The following SLC39A8 variants were observed in gnomAD, a reference collection of about 807,000 sequenced individuals.
SLC39A8 encodes solute carrier family 39 member 8, also known as metal cation symporter ZIP8.
In SLC39A8, 15 loss-of-function variants were observed where a neutral mutation model predicts 40.4. The observed-to-expected ratio is 0.37, with a 90% CI of 0.25 to 0.57. SLC39A8 has a LOEUF of 0.57. Among genes scored for constraint, SLC39A8 ranks in the 20% least tolerant of loss-of-function variants. SLC39A8 has a pLI of 0.75. For missense variants in SLC39A8, 472 were observed against 558.8 expected, an observed-to-expected ratio of 0.84 and a Z score of 1.57; for synonymous variants, 223 against 221.6, an observed-to-expected ratio of 1.01 and a Z score of -0.06.
chr4:102,287,970 C>T (rs1733255552), intron 6 of SLC39A8, among the ~76,000 whole-genome samples: 1 of 152,046 alleles, frequency 6.6e-6, no homozygotes, highest in Admixed American at 6.6e-5. Flanking sequence ...GTGACAGGTA[C>T]CACCAGCATC....
chr4:102,320,799 T>C (rs1257175179), intron 2 of SLC39A8, among the ~76,000 whole-genome samples: 1 of 147,200 alleles, frequency 6.8e-6, no homozygotes, highest in East Asian at 2.0e-4. Flanking sequence ...AATATATATA[T>C]ATATATCCTG....
intron 2 of SLC39A8, among the ~76,000 whole-genome samples, chr4:102,321,690 G>A (rs1361084212): frequency 1.3e-5 from 2 of 152,184 alleles, no homozygotes; most frequent in Non-Finnish European, 1.5e-5. Flanking sequence ...AGCCCATTTG[G>A]CAGGATGGTG....
rs536004575 is a variant in SLC39A8 at position 102,283,965 on chromosome 4, G to A, written c.841-15886C>T. 9.2e-4 allele frequency among the ~76,000 whole-genome samples: 140 copies of A among 152,220 alleles called. 2 individuals are homozygous for A. In the South Asian group the frequency reaches 0.023, roughly 25 times the overall value. ...TATTCTCTCGGATATTCACATGGATGGTTCCTTCTTACAATTCTGATTTTA... is the reference window on the plus strand; with the variant it reads ...TATTCTCTCGGATATTCACATGGATAGTTCCTTCTTACAATTCTGATTTTA... On this transcript the variant is annotated intron_variant, in intron 6 of 8. Transcript: ENST00000356736.
exon 12 of SLC39A8, chr4:102,253,376 G>T: frequency 1.4e-6 from 1 of 712,006 alleles, no homozygotes; most frequent in Non-Finnish European, 2.6e-6. Context: ...TGAAGGTGCT[G>T]GTATTGCAGA....
intron 2 of SLC39A8, among the ~76,000 whole-genome samples, chr4:102,328,751 C>T (rs1354854191): frequency 1.3e-5 from 2 of 152,146 alleles, no homozygotes; most frequent in African/African-American, 4.8e-5. Flanking sequence ...AGGGGCCGGG[C>T]ACGGTGGCTC....
At position 102,281,117 on chromosome 4, in the gene SLC39A8, T is replaced by C. The variant is rs575191962; in HGVS notation, c.841-13038A>G. 5.9e-5 allele frequency among the ~76,000 whole-genome samples: 9 copies of C among 152,262 alleles called. 1 individual carries two copies. The South Asian group carries it at 1.2e-3, about 21-fold the overall frequency. ...ACTGGTACATTCAGGACACAGGATA[T>C]CATTTCTTATAAAAAGCCCATAAAA... On this transcript the variant is annotated intron_variant, in intron 6 of 8. Coordinates refer to ENST00000356736, the MANE Select transcript of SLC39A8 (RefSeq NM_001135146.2).
At position 102,262,444 on chromosome 4, in the gene SLC39A8, T is replaced by G. The variant is rs1392799684; in HGVS notation, c.*600A>C. On this transcript the variant is annotated 3_prime_UTR_variant, in exon 9 of 9. Transcript: ENST00000356736. Reference sequence around the variant, plus strand: ...AACTTTATTTATTTCCTAACTCCTATTATTTTAGAATGGTTTTCAAAATAA... The same window carrying G: ...AACTTTATTTATTTCCTAACTCCTAGTATTTTAGAATGGTTTTCAAAATAA... 2 of 985,396 alleles carry G rather than the reference T, an allele frequency of 2.0e-6. No individual in the cohort carries two copies. The highest frequency in any genetic ancestry group is 3.5e-5 in the African/African-American group (2 of 57,240). 61.0% of individuals were successfully genotyped at this position (985,396 alleles called of 1,614,324 possible). A position where few individuals can be genotyped will look rare whatever the true frequency, so the allele number is the denominator to read the frequency against.
At chr4:102,291,548 CAA>C (rs1017443441) in intron 6 of SLC39A8, among the ~76,000 whole-genome samples, 53 of 152,042 alleles carry the variant, frequency 3.5e-4, no homozygotes, top group African/African-American at 1.3e-3. Flanking sequence ...GCAATGCAAA[CAA>C]AGACACACCT....
At chr4:102,333,584 C>G (rs1472375298) in intron 2 of SLC39A8, among the ~76,000 whole-genome samples, 1 of 152,012 alleles carries the variant, frequency 6.6e-6, no homozygotes, top group Non-Finnish European at 1.5e-5. Context: ...ACAGGAATAC[C>G]AAAAGGTTTT....
At chr4:102,272,573 A>G (rs927382297) in intron 6 of SLC39A8, among the ~76,000 whole-genome samples, 6 of 152,136 alleles carry the variant, frequency 3.9e-5, no homozygotes, top group African/African-American at 1.2e-4. Context: ...ACAGAGTTAG[A>G]CCTTGTCTCT....
At chr4:102,254,486 T>A (rs533917242) in intron 11 of SLC39A8, among the ~76,000 whole-genome samples, 1 of 152,360 alleles carries the variant, frequency 6.6e-6, no homozygotes, top group African/African-American at 2.4e-5. Flanking sequence ...ACAATTAATT[T>A]TTAAGTATTA....
intron 6 of SLC39A8, among the ~76,000 whole-genome samples, chr4:102,270,496 T>A (rs1357241757): frequency 6.6e-6 from 1 of 152,212 alleles, no homozygotes; most frequent in African/African-American, 2.4e-5. Context: ...TTCCTGTAGT[T>A]AAATTAGTGA....
chr4:102,259,638 C>A, downstream of SLC39A8: 3 of 681,948 alleles, frequency 4.4e-6, no homozygotes, highest in East Asian at 8.4e-5. Flanking sequence ...CTTAGCATGG[C>A]CAACCCGAAA....
At chr4:102,278,780 A>T (rs1732739113) in intron 6 of SLC39A8, among the ~76,000 whole-genome samples, 1 of 152,244 alleles carries the variant, frequency 6.6e-6, no homozygotes, top group African/African-American at 2.4e-5. Flanking sequence ...AAAATGTGGC[A>T]TGTATACACC....
intron 6 of SLC39A8, 102 bp downstream of exon 6, chr4:102,304,215 A>G: frequency 2.5e-6 from 2 of 811,748 alleles, no homozygotes. Context: ...AATAAGTCTG[A>G]CATACATAAA....
At chr4:102,326,851 C>T (rs972551151) in intron 2 of SLC39A8, among the ~76,000 whole-genome samples, 1 of 152,144 alleles carries the variant, frequency 6.6e-6, no homozygotes, top group Non-Finnish European at 1.5e-5. Flanking sequence ...ATCCAATACC[C>T]TTCTCATCCT....
intron 3 of SLC39A8, among the ~76,000 whole-genome samples, chr4:102,312,110 C>T (rs1734460527): frequency 6.6e-6 from 1 of 151,940 alleles, no homozygotes; most frequent in Admixed American, 6.6e-5. Flanking sequence ...AAGTAACTGA[C>T]CCATAGAGAT....
intron 2 of SLC39A8, among the ~76,000 whole-genome samples, chr4:102,337,885 A>G (rs1338977541): frequency 6.6e-6 from 1 of 152,228 alleles, no homozygotes; most frequent in East Asian, 1.9e-4. Flanking sequence ...AGAAAATTTC[A>G]TCCTCTAAAA....
intron 6 of SLC39A8, among the ~76,000 whole-genome samples, chr4:102,302,091 T>C (rs1336232525): frequency 1.3e-5 from 2 of 152,020 alleles, no homozygotes; most frequent in African/African-American, 4.8e-5. Context: ...TGCTTTGTGT[T>C]ACAGGACTTG....
Sources: allele counts gnomAD v4.1 joint callset (sites outside exome capture counted in the v4.1 genomes callset), GRCh38; gene constraint gnomAD v4.1.1; transcripts MANE v1.5; gene names NCBI Gene and HGNC (gene_info 2026-07-23, HGNC 2026-07-21).